ZNF827: variants seen among roughly 807,000 people sequenced by gnomAD.
ZNF827 encodes zinc finger protein 827.
In ZNF827, 13 loss-of-function variants were observed where a neutral mutation model predicts 102.4. The observed-to-expected ratio is 0.13, with a 90% CI of 0.08 to 0.20. The LOEUF is 0.20. Ranked by LOEUF, ZNF827 falls within the 10% of genes least tolerant of loss-of-function variation. The pLI, the probability that ZNF827 is intolerant of heterozygous loss-of-function variation, is 1.00. For missense variants in ZNF827, 1,103 were observed against 1,344.4 expected, an observed-to-expected ratio of 0.82 and a Z score of 2.81; for synonymous variants, 523 against 536.2, an observed-to-expected ratio of 0.98 and a Z score of 0.34.
At chr4:145,764,910 C>T (rs779472938) in intron 13 of ZNF827, 78 bp downstream of exon 13, 62 of 1,600,694 alleles carry the variant, frequency 3.9e-5, no homozygotes, top group East Asian at 2.7e-4. Context: ...AAAACCTTCA[C>T]GGGAAGGGAC....
At chr4:145,770,046 C>T (rs1736008214) in intron 11 of ZNF827, among the ~76,000 whole-genome samples, 1 of 152,136 alleles carries the variant, frequency 6.6e-6, no homozygotes, top group Admixed American at 6.5e-5. Flanking sequence ...GCCTGTAATC[C>T]CAGCACTTTG....
intron 5 of ZNF827, among the ~76,000 whole-genome samples, chr4:145,865,519 A>G (rs1199083261): frequency 1.3e-5 from 2 of 152,186 alleles, no homozygotes; most frequent in African/African-American, 2.4e-5. Context: ...CTAGGTCCAG[A>G]GTAGGGCTCA....
intron 5 of ZNF827, among the ~76,000 whole-genome samples, chr4:145,850,531 G>T (rs1243555269): frequency 6.6e-6 from 1 of 152,168 alleles, no homozygotes; most frequent in Non-Finnish European, 1.5e-5. Flanking sequence ...TGTCATTTAG[G>T]TGTGGCTATT....
At chr4:145,911,365 C>T (rs1287628739) in intron 1 of ZNF827, among the ~76,000 whole-genome samples, 2 of 152,112 alleles carry the variant, frequency 1.3e-5, no homozygotes, top group Non-Finnish European at 2.9e-5. Flanking sequence ...CTCCAGGTAC[C>T]GACATGCTTT....
intron 8 of ZNF827, among the ~76,000 whole-genome samples, chr4:145,802,438 C>A (rs1003568389): frequency 6.6e-6 from 1 of 152,180 alleles, no homozygotes; most frequent in South Asian, 2.1e-4. Context: ...GAGTTTGGAT[C>A]CACAAGGTGT....
rs1735063422 is a variant in ZNF827 at position 145,764,965 on chromosome 4, G to T, written c.3230+23C>A. 9.9e-6 allele frequency: 16 copies of T among 1,609,746 alleles called. No individual in the cohort carries two copies. In the East Asian group the frequency reaches 3.6e-4, roughly 36 times the overall value. On this transcript the variant is annotated intron_variant, in intron 13 of 14. Coordinates refer to ENST00000508784, the MANE Select transcript of ZNF827 (RefSeq NM_001306215.2). ...GGTATTTAATAACAACGCAGTAAAAGGTTCTGTACTTGCTTTCCTTACTTG... is the reference window on the plus strand; with the variant it reads ...GGTATTTAATAACAACGCAGTAAAATGTTCTGTACTTGCTTTCCTTACTTG...
chr4:145,930,935 T>C (rs1337619981), intron 1 of ZNF827, among the ~76,000 whole-genome samples: 2 of 152,190 alleles, frequency 1.3e-5, no homozygotes, highest in African/African-American at 2.4e-5. Context: ...AAGATTAGTA[T>C]CAAGCCAAAG....
chr4:145,846,240 A>G (rs955749719), intron 6 of ZNF827, among the ~76,000 whole-genome samples: 2 of 152,150 alleles, frequency 1.3e-5, no homozygotes, highest in Non-Finnish European at 2.9e-5. Flanking sequence ...GCACTTTGGG[A>G]GGCTGAGGCG....
chr4:145,912,977 T>C (rs1011886596), intron 1 of ZNF827, among the ~76,000 whole-genome samples: 12 of 152,366 alleles, frequency 7.9e-5, no homozygotes, highest in African/African-American at 1.7e-4. Flanking sequence ...AGCCTCAGTT[T>C]GTAATGTAGT....
intron 1 of ZNF827, among the ~76,000 whole-genome samples, chr4:145,935,462 A>G (rs2127008264): frequency 6.6e-6 from 1 of 152,328 alleles, no homozygotes; most frequent in Non-Finnish European, 1.5e-5. Context: ...CCAAACACAA[A>G]CTGCTTTAAA....
chr4:145,816,815 TG>T (rs1742634780), intron 8 of ZNF827, among the ~76,000 whole-genome samples: 1 of 152,224 alleles, frequency 6.6e-6, no homozygotes, highest in African/African-American at 2.4e-5. Context: ...TTTTTGGATT[TG>T]AAATGCAACA....
chr4:145,895,656 A>G (rs1394717105), intron 2 of ZNF827, among the ~76,000 whole-genome samples: 2 of 152,234 alleles, frequency 1.3e-5, no homozygotes, highest in African/African-American at 4.8e-5. Context: ...CATCTCACCG[A>G]TAACATCTAC....
intron 4 of ZNF827, among the ~76,000 whole-genome samples, chr4:145,875,564 T>C (rs978807981): frequency 4.6e-5 from 7 of 152,144 alleles, no homozygotes; most frequent in African/African-American, 1.7e-4. Flanking sequence ...TAGGAAGAAA[T>C]CCTGAGAAGA....
chr4:145,823,331 G>T, intron 8 of ZNF827, 91 bp downstream of exon 8: 2 of 1,082,974 alleles, frequency 1.8e-6, no homozygotes, highest in Non-Finnish European at 2.8e-6. Flanking sequence ...AACTACATCC[G>T]TAAGCTGAAA....
rs1207506589 is a variant in ZNF827 at position 145,846,009 on chromosome 4, T to C, written c.2226A>G (p.Lys742=). ...TTGTATGATTGTGCTCTTTGCTCACTTTTTCTGTAAGGAGAAAGAATGAAA... is the reference window on the plus strand; with the variant it reads ...TTGTATGATTGTGCTCTTTGCTCACCTTTTCTGTAAGGAGAAAGAATGAAA... ...ASELLFQLSE[K]VSKEHNHTKE... The change falls in exon 7 of 15, where the codon AAA becomes AAG. Residue 742 remains lysine (K), a synonymous_variant. Coordinates refer to ENST00000508784, the MANE Select transcript of ZNF827 (RefSeq NM_001306215.2). 1 of 1,614,166 alleles carries C rather than the reference T, an allele frequency of 6.2e-7. No homozygotes were observed. The highest frequency in any genetic ancestry group is 2.2e-5 in the East Asian group (1 of 44,886).
At chr4:145,883,786 T>C (rs558615562) in intron 4 of ZNF827, among the ~76,000 whole-genome samples, 2 of 152,240 alleles carry the variant, frequency 1.3e-5, no homozygotes, top group African/African-American at 2.4e-5. Context: ...AGCTATGTGA[T>C]GTGAATATGT....
At chr4:145,792,256 T>G (rs1000370119) in intron 8 of ZNF827, among the ~76,000 whole-genome samples, 1 of 152,108 alleles carries the variant, frequency 6.6e-6, no homozygotes, top group Admixed American at 6.6e-5. Context: ...TAGAATGGAA[T>G]GGAGTTAAGA....
chr4:145,919,689 G>A (rs988823823), intron 1 of ZNF827, among the ~76,000 whole-genome samples: 1 of 152,204 alleles, frequency 6.6e-6, no homozygotes, highest in Non-Finnish European at 1.5e-5. Flanking sequence ...ATAAAGTAGG[G>A]TATTAATACT....
chr4:145,937,393 G>A (rs1754269309), intron 1 of ZNF827, among the ~76,000 whole-genome samples: 1 of 151,690 alleles, frequency 6.6e-6, no homozygotes, highest in African/African-American at 2.4e-5. Context: ...GGCTCCGTCT[G>A]CTCCGACTGA....
Sources: allele counts gnomAD v4.1 joint callset (sites outside exome capture counted in the v4.1 genomes callset), GRCh38; gene constraint gnomAD v4.1.1; transcripts MANE v1.5; gene names NCBI Gene and HGNC (gene_info 2026-07-23, HGNC 2026-07-21).